The following TANGO6 variants were observed in gnomAD, a reference collection of about 807,000 sequenced individuals.
TANGO6 encodes the protein transport and golgi organization 6 homolog.
In TANGO6, 90 loss-of-function variants were observed where a neutral mutation model predicts 114.2. That is an observed-to-expected ratio of 0.79 (90% CI 0.66 to 0.94). TANGO6 has a LOEUF of 0.94. Ranked by LOEUF, TANGO6 falls within the 40% of genes least tolerant of loss-of-function variation. TANGO6 has a pLI of 0.00. For missense variants in TANGO6, 1,274 were observed against 1,315.3 expected (o/e 0.97, Z 0.49); for synonymous variants, 477 against 509.8 (o/e 0.94, Z 0.87).
At chr16:68,986,812 G>C (rs540846949) in intron 15 of TANGO6, among the ~76,000 whole-genome samples, 1 of 152,226 alleles carries the variant, frequency 6.6e-6, no homozygotes, top group African/African-American at 2.4e-5. Flanking sequence ...GGCTGAGGCA[G>C]GAGAATTGCT....
At chr16:69,059,743 A>G (rs1355222622) in intron 17 of TANGO6, among the ~76,000 whole-genome samples, 4 of 151,770 alleles carry the variant, frequency 2.6e-5, no homozygotes, top group South Asian at 4.2e-4. Flanking sequence ...CCACTTTTCT[A>G]CTCTTTAATT....
intron 1 of TANGO6, chr16:68,846,853 TG>T (rs945019270): frequency 6.6e-6 from 1 of 151,370 alleles, no homozygotes; most frequent in African/African-American, 2.4e-5. Flanking sequence ...ATGTATTGTG[TG>T]GGGAAAAAAG....
chr16:68,849,405 A>C (rs1490764266), intron 1 of TANGO6, among the ~76,000 whole-genome samples: 1 of 152,034 alleles, frequency 6.6e-6, no homozygotes, highest in African/African-American at 2.4e-5. Context: ...GGGAGGCTGA[A>C]GTGGGCAGAT....
intron 15 of TANGO6, among the ~76,000 whole-genome samples, chr16:68,980,409 C>CTCTCTCTCTCTCTATA (rs1408626276): frequency 2.1e-4 from 14 of 67,980 alleles, no homozygotes; most frequent in African/African-American, 6.6e-4. Context: ...CTCTCTCTCT[C>CTCTCTCTCTCTCTATA]TATATATATA....
intron 14 of TANGO6, among the ~76,000 whole-genome samples, chr16:68,946,458 TGG>T (rs1963415574): frequency 6.6e-6 from 1 of 152,048 alleles, no homozygotes; most frequent in African/African-American, 2.4e-5. Context: ...CCTCCCAAAG[TGG>T]GGGGATTACA....
intron 17 of TANGO6, among the ~76,000 whole-genome samples, chr16:69,044,308 A>G (rs1005741269): frequency 2.0e-5 from 3 of 152,140 alleles, no homozygotes; most frequent in Non-Finnish European, 4.4e-5. Flanking sequence ...CAACTGAGCC[A>G]CTGTGCCTGG....
intron 15 of TANGO6, among the ~76,000 whole-genome samples, chr16:68,987,588 C>T (rs530496149): frequency 1.3e-5 from 2 of 152,200 alleles, no homozygotes; most frequent in East Asian, 3.9e-4. Flanking sequence ...AGGCTGGTCT[C>T]GAACTCCTGG....
intron 12 of TANGO6, among the ~76,000 whole-genome samples, chr16:68,925,924 AT>A (rs201960287): frequency 3.4e-5 from 5 of 147,162 alleles, no homozygotes; most frequent in African/African-American, 1.2e-4. Context: ...AAGAAACTGT[AT>A]TTTTTTTTCC....
chr16:69,011,602 A>C (rs1214508421), intron 15 of TANGO6, among the ~76,000 whole-genome samples: 1 of 152,088 alleles, frequency 6.6e-6, no homozygotes, highest in Non-Finnish European at 1.5e-5. Context: ...CTACAGGCAC[A>C]TGCTACCATA....
At chr16:68,888,196 C>T (rs990346374) in intron 7 of TANGO6, among the ~76,000 whole-genome samples, 1 of 152,170 alleles carries the variant, frequency 6.6e-6, no homozygotes, top group Non-Finnish European at 1.5e-5. Flanking sequence ...AGGGGATACA[C>T]GGCTCAAAAC....
At chr16:68,857,433 GATC>G (rs1962015054) in intron 1 of TANGO6, among the ~76,000 whole-genome samples, 1 of 150,836 alleles carries the variant, frequency 6.6e-6, no homozygotes, top group African/African-American at 2.4e-5. Flanking sequence ...ACCTTTTGAA[GATC>G]ATCTTGGTTG....
chr16:68,972,318 A>G (rs1445452374), intron 14 of TANGO6, among the ~76,000 whole-genome samples: 1 of 152,262 alleles, frequency 6.6e-6, no homozygotes, highest in African/African-American at 2.4e-5. Context: ...AGCTCAGCAG[A>G]TGCGGCGGAT....
intron 15 of TANGO6, among the ~76,000 whole-genome samples, chr16:69,014,721 C>G (rs1959258484): frequency 6.6e-6 from 1 of 151,572 alleles, no homozygotes; most frequent in African/African-American, 2.4e-5. Context: ...ATAGCAAGGC[C>G]CAATCTCTGT....
At chr16:69,063,808 C>CTTCTTCTTATTATTATTA (rs56983779) in intron 17 of TANGO6, among the ~76,000 whole-genome samples, 69 of 125,568 alleles carry the variant, frequency 5.5e-4, no homozygotes, top group African/African-American at 1.9e-3. Context: ...TCTTCTTCTT[C>CTTCTTCTTATTATTATTA]TTATTATTAT....
intron 17 of TANGO6, among the ~76,000 whole-genome samples, chr16:69,057,139 C>T (rs1428498383): frequency 2.0e-5 from 3 of 151,190 alleles, no homozygotes; most frequent in African/African-American, 4.9e-5. Context: ...CTCAGCCTCC[C>T]GATTAGCTGG....
chr16:69,082,930 G>A (rs528995643), intron 17 of TANGO6, among the ~76,000 whole-genome samples: 1 of 152,162 alleles, frequency 6.6e-6, no homozygotes, highest in South Asian at 2.1e-4. Context: ...GAATAAAGGA[G>A]TCTGGGAACT....
chr16:69,023,072 T>G, intron 16 of TANGO6, 93 bp downstream of exon 16: 1 of 1,334,866 alleles, frequency 7.5e-7, no homozygotes, highest in Non-Finnish European at 1.0e-6. Context: ...GGGCTCTTTT[T>G]GCAGATCTGC....
Position 68,857,515 on chromosome 16 carries a change from A to G in TANGO6, c.95-2369A>G, listed in dbSNP as rs538740657. On this transcript the variant is annotated intron_variant, in intron 1 of 17. Coordinates refer to ENST00000261778, the MANE Select transcript of TANGO6 (RefSeq NM_024562.2). ...ACATATGCAGTTTTTTTGTGTGGACATAAGTTTTCAACTCATTTGGATAAA... is the reference window on the plus strand; with the variant it reads ...ACATATGCAGTTTTTTTGTGTGGACGTAAGTTTTCAACTCATTTGGATAAA... Among the ~76,000 whole-genome samples, 5 of 152,144 alleles carry G rather than the reference A, an allele frequency of 3.3e-5. 1 individual carries two copies. Among genetic ancestry groups the G allele is most frequent in the South Asian group, 4.1e-4 (2 of 4,822 alleles).
At chr16:68,874,827 G>A (rs1429853565) in intron 4 of TANGO6, among the ~76,000 whole-genome samples, 1 of 152,058 alleles carries the variant, frequency 6.6e-6, no homozygotes, top group Non-Finnish European at 1.5e-5. Flanking sequence ...GTGTATTCCT[G>A]TAATCCCAGC....
Sources: allele counts gnomAD v4.1 joint callset (sites outside exome capture counted in the v4.1 genomes callset), GRCh38; gene constraint gnomAD v4.1.1; transcripts MANE v1.5; gene names NCBI Gene and HGNC (gene_info 2026-07-23, HGNC 2026-07-21).